Variants in TOP1 observed in about 807,000 individuals in gnomAD.
TOP1 encodes the protein DNA topoisomerase I.
A neutral mutation model predicts 111.1 loss-of-function variants in TOP1; 10 were observed. That is an observed-to-expected ratio of 0.09 (90% CI 0.06 to 0.15). The LOEUF is 0.15. Ranked by LOEUF, TOP1 falls within the 10% of genes least tolerant of loss-of-function variation. TOP1 has a pLI of 1.00. For missense variants in TOP1, 474 were observed against 926.7 expected, an observed-to-expected ratio of 0.51 and a Z score of 6.34; for synonymous variants, 271 against 302.9, an observed-to-expected ratio of 0.89 and a Z score of 1.10.
intron 11 of TOP1, among the ~76,000 whole-genome samples, chr20:41,099,301 A>T (rs2034026237): frequency 6.6e-6 from 1 of 152,142 alleles, no homozygotes; most frequent in South Asian, 2.1e-4. Context: ...AATTTAGTAT[A>T]TTATTTACTT....
rs188230225 is a variant in TOP1 at position 41,109,755 on chromosome 20, C to T, written c.1309-3027C>T. The stretch of plus-strand genomic sequence containing the variant: ...AATTATCAGTGGAGTGAAGATTTAA[C>T]CACAGGGAGATACGAATTCCAGTTC... On this transcript the variant is annotated intron_variant, in intron 13 of 20. Transcript: ENST00000361337. The surrounding 1 kb of genome is among the most constrained non-coding windows in gnomAD (Gnocchi z 4.1). Among the ~76,000 whole-genome samples the T allele has an allele frequency of 2.1e-3, 323 of 152,224 alleles. 1 individual carries two copies. The highest frequency in any genetic ancestry group is 6.4e-3 in the African/African-American group (264 of 41,534).
chr20:41,121,908 A>G lies in TOP1; in HGVS notation c.2046-98A>G. The G allele has an allele frequency of 6.4e-7, 1 of 1,563,542 alleles. No homozygotes were observed. The highest frequency in any genetic ancestry group is 8.7e-7 in the Non-Finnish European group (1 of 1,144,740). On this transcript the variant is annotated intron_variant, in intron 19 of 20. Coordinates refer to ENST00000361337, the MANE Select transcript of TOP1 (RefSeq NM_003286.4). This position sits in a 1 kb window ranked among gnomAD's most constrained non-coding sequence, Gnocchi z 4.2. ...TGAGAAATGTCTTTTGGAAATCTCT[A>G]TACTAGGGCTTTTATTGACTCAAAG...
chr20:41,120,187 A>G (rs767611020), intron 18 of TOP1, among the ~76,000 whole-genome samples: 3 of 152,232 alleles, frequency 2.0e-5, no homozygotes, highest in Non-Finnish European at 4.4e-5. Flanking sequence ...GGTTTGCTAC[A>G]TTTCTATCCT....
At position 41,095,466 on chromosome 20, in the gene TOP1, A is replaced by G. The variant is rs181294829; in HGVS notation, c.731-1754A>G. The stretch of plus-strand genomic sequence containing the variant: ...TTGGAAACATGTTACAGTTTTCTAA[A>G]GAAGTTCAGGGAATCTTTTAATACA... On this transcript the variant is annotated intron_variant, in intron 9 of 20. Transcript: ENST00000361337. The surrounding 1 kb of genome is among the most constrained non-coding windows in gnomAD (Gnocchi z 4.6). 1.8e-4 allele frequency among the ~76,000 whole-genome samples: 28 copies of G among 152,292 alleles called. No individual in the cohort carries two copies. The highest frequency in any genetic ancestry group is 1.8e-3 in the Admixed American group (27 of 15,294).
rs572413813 is a variant in TOP1, at chr20:41,115,472, G to C, written c.1707+33G>C. The C allele has an allele frequency of 2.6e-6, 4 of 1,546,938 alleles. No homozygotes were observed. Among genetic ancestry groups the C allele is most frequent in the Non-Finnish European group, 3.6e-6 (4 of 1,119,424 alleles). On this transcript the variant is annotated intron_variant, in intron 16 of 20. Transcript: ENST00000361337. This position sits in a 1 kb window ranked among gnomAD's most constrained non-coding sequence, Gnocchi z 6.3. ...GATGAAGCACACAATGTTGAAGGGA[G>C]TCCCAGCCAGAGCCTCACAGTACCT...
intron 8 of TOP1, 31 bp downstream of exon 8, chr20:41,084,599 C>T: frequency 7.8e-7 from 1 of 1,288,360 alleles, no homozygotes; most frequent in Non-Finnish European, 1.1e-6. Flanking sequence ...TAAAATGCCA[C>T]CTTTTTTATT....
chr20:41,095,248 C>A lies in TOP1; in HGVS notation c.731-1972C>A, dbSNP rs530740598. 2.6e-5 allele frequency among the ~76,000 whole-genome samples: 4 copies of A among 152,190 alleles called. No individual in the cohort carries two copies. The South Asian group carries it at 8.3e-4, about 32-fold the overall frequency. On this transcript the variant is annotated intron_variant, in intron 9 of 20. Transcript: ENST00000361337. This position sits in a 1 kb window ranked among gnomAD's most constrained non-coding sequence, Gnocchi z 4.6. ...ATTTTTAATAGAGACAGGGTTTTAC[C>A]ATGTTGGTCAAGCTGGTCTGGAACT... is the stretch of plus-strand genomic sequence containing the variant.
chr20:41,061,713 T>C lies in TOP1; in HGVS notation c.155+223T>C, dbSNP rs2145927162. Among the ~76,000 whole-genome samples, 1 of 152,348 alleles carries C rather than the reference T, an allele frequency of 6.6e-6. No individual in the cohort carries two copies. Among genetic ancestry groups the C allele is most frequent in the East Asian group, 1.9e-4 (1 of 5,190 alleles). Reference sequence around the variant, plus strand: ...TAAAGCAAGTATGTTTAATTTTCTTTTAATATATACCTCATTAAAAATACA... The same window carrying C: ...TAAAGCAAGTATGTTTAATTTTCTTCTAATATATACCTCATTAAAAATACA... On this transcript the variant is annotated intron_variant, in intron 3 of 20. Transcript: ENST00000361337. This position sits in a 1 kb window ranked among gnomAD's most constrained non-coding sequence, Gnocchi z 4.6.
chr20:41,099,674 T>C (rs796791807), intron 11 of TOP1, among the ~76,000 whole-genome samples: 63 of 152,336 alleles, frequency 4.1e-4, no homozygotes, highest in African/African-American at 1.5e-3. Flanking sequence ...GCTGTTTAAT[T>C]AAATGGCTTG....
rs920968423 is a variant in TOP1 at position 41,100,678 on chromosome 20, CCATA to C, written c.1163+438_1163+441del. On this transcript the variant is annotated intron_variant, in intron 12 of 20. Transcript: ENST00000361337. This position sits in a 1 kb window ranked among gnomAD's most constrained non-coding sequence, Gnocchi z 4.4. Reference sequence around the variant, plus strand: ...CTTACCTTAGATCTTAGCAACTTCACCATACAGTTTTTTTTATTAAGTCGATAAT... The same window carrying C: ...CTTACCTTAGATCTTAGCAACTTCACCAGTTTTTTTTATTAAGTCGATAAT... 4.3e-5 allele frequency: 7 copies of C among 163,690 alleles called. 1 individual carries two copies. Among genetic ancestry groups the C allele is most frequent in the African/African-American group, 1.7e-4 (7 of 41,798 alleles). 10.1% of individuals were successfully genotyped at this position (163,690 alleles called of 1,614,324 possible).
chr20:41,116,218 G>A lies in TOP1; in HGVS notation c.1708-60G>A, dbSNP rs545828193. ...TGCACTGGCATAAATTACTCCTAGG[G>A]CTGCCAGAAGGAGCAGGTAGTATAG... On this transcript the variant is annotated intron_variant, in intron 16 of 20. Coordinates refer to ENST00000361337, the MANE Select transcript of TOP1 (RefSeq NM_003286.4). This position sits in a 1 kb window ranked among gnomAD's most constrained non-coding sequence, Gnocchi z 5.6. 146 of 1,102,446 alleles carry A rather than the reference G, an allele frequency of 1.3e-4. No homozygotes were observed. In the African/African-American group the frequency reaches 2.0e-3, roughly 15 times the overall value. 68.3% of individuals were successfully genotyped at this position (1,102,446 alleles called of 1,614,324 possible).
Position 41,084,454 on chromosome 20 carries a change from C to T in TOP1, c.508-8C>T. 2.6e-6 allele frequency: 4 copies of T among 1,515,468 alleles called. No homozygotes were observed. The highest frequency in any genetic ancestry group is 3.6e-6 in the Non-Finnish European group (4 of 1,118,684). The allele number at this position is 1,515,468 out of a possible 1,614,324, so 93.9% of individuals were successfully genotyped here. On this transcript the variant is annotated splice_region_variant and splice_polypyrimidine_tract_variant and intron_variant, in intron 7 of 20. Coordinates refer to ENST00000361337, the MANE Select transcript of TOP1 (RefSeq NM_003286.4). The stretch of plus-strand genomic sequence containing the variant: ...ATTTAAGTGCTTTCTCACCATGTTT[C>T]TTTGTAGGATGGTAAATTGAAAAAA...
In TOP1 at chr20:41,097,444, T is replaced by C. The variant is rs964986458; in HGVS notation, c.852+103T>C. 1.6e-6 allele frequency: 2 copies of C among 1,222,976 alleles called. No homozygotes were observed. The highest frequency in any genetic ancestry group is 3.1e-5 in the African/African-American group (2 of 64,844). 75.8% of individuals were successfully genotyped at this position (1,222,976 alleles called of 1,614,324 possible). A position where few individuals can be genotyped will look rare whatever the true frequency, so the allele number is the denominator to read the frequency against. ...AACATTTCCTGATGTAAAATTTGAG[T>C]TGTATGGATTTTGTTGTATTTAAAC... On this transcript the variant is annotated intron_variant, in intron 10 of 20. Coordinates refer to ENST00000361337, the MANE Select transcript of TOP1 (RefSeq NM_003286.4). This position sits in a 1 kb window ranked among gnomAD's most constrained non-coding sequence, Gnocchi z 4.2.
rs1207661881 is a variant in TOP1 at position 41,070,914 on chromosome 20, G to A, written c.156-5257G>A. Among the ~76,000 whole-genome samples the A allele has an allele frequency of 3.9e-5, 6 of 152,324 alleles. No individual in the cohort carries two copies. In the East Asian group the frequency reaches 1.2e-3, roughly 29 times the overall value. Reference sequence around the variant, plus strand: ...CTTGGGTGAGTTACTTAACTTGTCTGTGCTTCAGTTTCCACATCTGTGAAA... The same window carrying A: ...CTTGGGTGAGTTACTTAACTTGTCTATGCTTCAGTTTCCACATCTGTGAAA... On this transcript the variant is annotated intron_variant, in intron 3 of 20. Transcript: ENST00000361337.
chr20:41,040,621 T>TA (rs1026955041), intron 2 of TOP1, among the ~76,000 whole-genome samples: 2 of 151,532 alleles, frequency 1.3e-5, no homozygotes, highest in Non-Finnish European at 2.9e-5. Context: ...ATTTGATTTT[T>TA]AAAAAAAACC....
chr20:41,104,925 C>T (rs181406087), intron 13 of TOP1, among the ~76,000 whole-genome samples: 9 of 152,218 alleles, frequency 5.9e-5, no homozygotes, highest in Admixed American at 2.0e-4. Context: ...AATGTAGATA[C>T]AAATATTAGG....
At chr20:41,059,061 C>G (rs2145925740) in intron 2 of TOP1, among the ~76,000 whole-genome samples, 1 of 152,148 alleles carries the variant, frequency 6.6e-6, no homozygotes, top group East Asian at 1.9e-4. Context: ...GCAAACGTAA[C>G]AGAGGAACAG....
At chr20:41,036,620 A>G (rs968584689) in intron 2 of TOP1, among the ~76,000 whole-genome samples, 5 of 152,110 alleles carry the variant, frequency 3.3e-5, no homozygotes, top group African/African-American at 1.2e-4. Context: ...TCTGTCTTTC[A>G]TTGGTATTCC....
rs996799817 is a variant in TOP1 at position 41,099,033 on chromosome 20, T to C, written c.975+696T>C. Among the ~76,000 whole-genome samples, 35 of 152,304 alleles carry C rather than the reference T, an allele frequency of 2.3e-4. 1 individual carries two copies. The highest frequency in any genetic ancestry group is 8.4e-4 in the African/African-American group (35 of 41,564). On this transcript the variant is annotated intron_variant, in intron 11 of 20. Transcript: ENST00000361337. The stretch of plus-strand genomic sequence containing the variant: ...GCCCCTGAACTAAAGGAATCCAGGC[T>C]AGAATTTCATTTTTACCAATCGGAA...
Sources: gnomAD v4.1 joint callset for allele counts (sites outside exome capture counted in the v4.1 genomes callset) on GRCh38, gnomAD v4.1.1 for gene constraint, Gnocchi (gnomAD v3.1) non-coding constraint, MANE v1.5 for transcripts, NCBI Gene and HGNC (gene_info 2026-07-23, HGNC 2026-07-21) for gene names.